Variants in DCC observed in about 807,000 individuals in gnomAD.
DCC encodes the protein DCC netrin 1 receptor, also known as netrin receptor DCC.
In DCC, 58 loss-of-function variants were observed where a neutral mutation model predicts 172.5. That is an observed-to-expected ratio of 0.34 (90% confidence interval 0.27 to 0.42). The LOEUF (loss-of-function observed/expected upper bound fraction) is 0.42, where lower values mean the gene tolerates loss of function less well. Ranked by LOEUF, DCC falls within the 10% of genes least tolerant of loss-of-function variation. The probability of loss-of-function intolerance (pLI) is 1.00; values close to 1 mark genes in which losing one functional copy is unlikely to be tolerated. For synonymous variants in DCC, 709 were observed against 644.5 expected (o/e 1.10, Z -1.52); for missense variants, 1,740 against 1,791.0 (o/e 0.97, Z 0.51).
intron 3 of DCC, among the ~76,000 whole-genome samples, chr18:52,920,056 C>T (rs949126793): frequency 4.1e-5 from 6 of 145,040 alleles, no homozygotes; most frequent in African/African-American, 1.3e-4. Context: ...ACATACCTTT[C>T]ACAAAGATTA....
intron 2 of DCC, among the ~76,000 whole-genome samples, chr18:52,778,857 T>C (rs1022480808): frequency 6.6e-6 from 1 of 152,204 alleles, no homozygotes; most frequent in Admixed American, 6.5e-5. Context: ...TGATAGGAGA[T>C]AGGGTTGTAA....
At chr18:52,755,125 A>AGG (rs2037058355) in intron 2 of DCC, among the ~76,000 whole-genome samples, 1 of 152,238 alleles carries the variant, frequency 6.6e-6, no homozygotes, top group Non-Finnish European at 1.5e-5. Context: ...TGAAGTGGAA[A>AGG]GGGGACAATT....
chr18:52,741,333 C>T (rs1451074685), intron 1 of DCC, among the ~76,000 whole-genome samples: 2 of 152,310 alleles, frequency 1.3e-5, no homozygotes, highest in African/African-American at 2.4e-5. Context: ...AGTTTCTCTG[C>T]TTCTTCCAAT....
chr18:53,515,196 A>G (rs904119183), intron 27 of DCC, among the ~76,000 whole-genome samples: 6 of 152,170 alleles, frequency 3.9e-5, no homozygotes, highest in Admixed American at 2.6e-4. Context: ...CAATGACAAA[A>G]ACCACATGAT....
At chr18:53,061,147 A>G (rs192259009) in intron 5 of DCC, among the ~76,000 whole-genome samples, 1 of 152,262 alleles carries the variant, frequency 6.6e-6, no homozygotes, top group Admixed American at 6.5e-5. Flanking sequence ...GAGGTTATAG[A>G]TGAGGATAGT....
At chr18:53,143,030 T>G (rs1418299528) in intron 7 of DCC, among the ~76,000 whole-genome samples, 1 of 152,224 alleles carries the variant, frequency 6.6e-6, no homozygotes, top group African/African-American at 2.4e-5. Context: ...GAAGTGTACT[T>G]CTTGCCACAT....
At chr18:52,841,083 T>C (rs1027717333) in intron 2 of DCC, among the ~76,000 whole-genome samples, 1 of 152,086 alleles carries the variant, frequency 6.6e-6, no homozygotes, top group Non-Finnish European at 1.5e-5. Context: ...TGAGGAGAAG[T>C]AGTCATTCAT....
intron 7 of DCC, among the ~76,000 whole-genome samples, chr18:53,088,529 T>G (rs1176603211): frequency 6.6e-6 from 1 of 152,096 alleles, no homozygotes; most frequent in Non-Finnish European, 1.5e-5. Context: ...TTTCTAGATA[T>G]ACAATCATGT....
intron 25 of DCC, among the ~76,000 whole-genome samples, chr18:53,474,323 G>C (rs186745703): frequency 5.3e-5 from 8 of 152,250 alleles, no homozygotes; most frequent in Admixed American, 5.2e-4. Context: ...AATCTCATGG[G>C]TGTAAATTTG....
At chr18:53,242,381 G>A (rs1414540461) in intron 12 of DCC, among the ~76,000 whole-genome samples, 1 of 152,066 alleles carries the variant, frequency 6.6e-6, no homozygotes, top group Non-Finnish European at 1.5e-5. Context: ...AAATGAATTG[G>A]CATACATAAA....
intron 5 of DCC, among the ~76,000 whole-genome samples, chr18:52,963,063 G>T (rs1466794750): frequency 1.3e-5 from 2 of 150,972 alleles, no homozygotes; most frequent in East Asian, 1.9e-4. Flanking sequence ...TATGTAACCT[G>T]CACATCGTGC....
At chr18:53,145,105 C>CT (rs57501246) in intron 7 of DCC, among the ~76,000 whole-genome samples, 14,825 of 36,778 alleles carry the variant, frequency 0.4, 6,502 homozygotes, top group Non-Finnish European at 0.48. Flanking sequence ...GAGGGCTCTG[C>CT]TTTTTTTTTT....
intron 24 of DCC, among the ~76,000 whole-genome samples, chr18:53,464,817 T>C (rs1367828356): frequency 6.6e-6 from 1 of 150,722 alleles, no homozygotes; most frequent in Non-Finnish European, 1.5e-5. Flanking sequence ...CCCTCTCTAG[T>C]AAAAGTACAA....
In DCC at chr18:53,206,339, GTA is replaced by G. The variant is rs201714223; in HGVS notation, c.1722+981_1722+982del. Among the ~76,000 whole-genome samples the G allele has an allele frequency of 6.4e-5, 3 of 46,724 alleles. No homozygotes were observed. In the East Asian group the frequency reaches 1.2e-3, roughly 18 times the overall value. The allele number at this position is 46,724 out of a possible 152,430, so 30.7% of individuals were successfully genotyped here. A position where few individuals can be genotyped will look rare whatever the true frequency, so the allele number is the denominator to read the frequency against. On this transcript the variant is annotated intron_variant, in intron 10 of 28. Coordinates refer to ENST00000442544, the MANE Select transcript of DCC (RefSeq NM_005215.4). ...CATATATGTATTGTAACACATATAT[GTA>G]TATATGTATATATACATATATGTAT... is the stretch of plus-strand genomic sequence containing the variant.
intron 1 of DCC, among the ~76,000 whole-genome samples, chr18:52,351,472 A>G (rs574763901): frequency 3.3e-5 from 5 of 152,278 alleles, no homozygotes; most frequent in Admixed American, 2.6e-4. Context: ...TATCTATCCT[A>G]TATGTTTAGA....
chr18:53,172,460 T>G (rs904579496), intron 8 of DCC, among the ~76,000 whole-genome samples: 11 of 152,188 alleles, frequency 7.2e-5, no homozygotes, highest in African/African-American at 2.4e-4. Context: ...TACCCCAGAA[T>G]CTAAAATAAT....
At chr18:53,164,041 T>G (rs1598864376) in intron 8 of DCC, among the ~76,000 whole-genome samples, 1 of 152,214 alleles carries the variant, frequency 6.6e-6, no homozygotes, top group East Asian at 1.9e-4. Flanking sequence ...GTGCAGACCA[T>G]AGTCCAAAGC....
intron 1 of DCC, among the ~76,000 whole-genome samples, chr18:52,677,568 C>T (rs1168576196): frequency 6.6e-6 from 1 of 152,040 alleles, no homozygotes; most frequent in Non-Finnish European, 1.5e-5. Context: ...TCAGTTTTCA[C>T]AAACTGAACT....
chr18:52,796,197 A>G (rs983924781), intron 2 of DCC, among the ~76,000 whole-genome samples: 31 of 151,712 alleles, frequency 2.0e-4, no homozygotes, highest in African/African-American at 7.3e-4. Flanking sequence ...TTTTAAATGC[A>G]TTCATCTAGT....
Sources: allele counts gnomAD v4.1 joint callset (sites outside exome capture counted in the v4.1 genomes callset), GRCh38; gene constraint gnomAD v4.1.1; transcripts MANE v1.5; gene names NCBI Gene and HGNC (gene_info 2026-07-23, HGNC 2026-07-21).